COL22A1: variants seen among roughly 807,000 people sequenced by gnomAD.
The protein encoded by COL22A1 is collagen type XXII alpha 1 chain.
A neutral mutation model predicts 248.9 loss-of-function variants in COL22A1; 221 were observed. The ratio of observed to expected loss-of-function variants is 0.89; its 90% CI spans 0.80 to 0.99. The LOEUF (loss-of-function observed/expected upper bound fraction) is 0.99. Ranked by LOEUF, COL22A1 falls within the 50% of genes least tolerant of loss-of-function variation. The pLI, the probability that COL22A1 is intolerant of heterozygous loss-of-function variation, is 0.00. For missense variants in COL22A1, 2,240 were observed against 2,179.0 expected, an observed-to-expected ratio of 1.03 and a Z score of -0.56; for synonymous variants, 891 against 793.4, an observed-to-expected ratio of 1.12 and a Z score of -2.07.
Position 138,781,293 on chromosome 8 carries a change from G to A in COL22A1, c.1597-313C>T, listed in dbSNP as rs76441822. Among the ~76,000 whole-genome samples the A allele has an allele frequency of 7.0e-3, 1,071 of 152,254 alleles. 15 individuals carry two copies. The highest frequency in any genetic ancestry group is 0.025 in the African/African-American group (1,022 of 41,546). ...CTAGCTGGAGGTGCGGCCCTTCCTCGCCCTGGGCTTGGTCTCATATGTGTA... is the reference window on the plus strand; with the variant it reads ...CTAGCTGGAGGTGCGGCCCTTCCTCACCCTGGGCTTGGTCTCATATGTGTA... On this transcript the variant is annotated intron_variant, in intron 12 of 64. Transcript: ENST00000303045.
At chr8:138,740,641 C>T (rs535969502) in intron 22 of COL22A1, among the ~76,000 whole-genome samples, 54 of 152,104 alleles carry the variant, frequency 3.6e-4, no homozygotes, top group African/African-American at 1.1e-3. Context: ...AAGTAGGAGG[C>T]GCGTGGTAGA....
chr8:138,667,862 A>C (rs1824649951), intron 41 of COL22A1, among the ~76,000 whole-genome samples: 1 of 152,140 alleles, frequency 6.6e-6, no homozygotes, highest in African/African-American at 2.4e-5. Flanking sequence ...CCACCTGTGA[A>C]GTCTTGCCAA....
intron 51 of COL22A1, among the ~76,000 whole-genome samples, chr8:138,624,992 T>G (rs564841754): frequency 5.5e-4 from 84 of 152,340 alleles, no homozygotes; most frequent in African/African-American, 1.9e-3. Context: ...TATAACCCCA[T>G]GATTAATTAC....
intron 16 of COL22A1, among the ~76,000 whole-genome samples, chr8:138,765,565 C>T (rs961324950): frequency 3.3e-5 from 5 of 152,208 alleles, no homozygotes; most frequent in Admixed American, 1.3e-4. Flanking sequence ...GAGTTTGGAA[C>T]GCAGGCGCAC....
chr8:138,766,449 G>A (rs914586611), intron 16 of COL22A1, among the ~76,000 whole-genome samples: 2 of 132,512 alleles, frequency 1.5e-5, no homozygotes, highest in Non-Finnish European at 3.3e-5. Flanking sequence ...GAGTGGGGGT[G>A]GGGGAGAGAC....
chr8:138,863,483 T>C (rs1294450507), intron 3 of COL22A1, among the ~76,000 whole-genome samples: 2 of 152,108 alleles, frequency 1.3e-5, no homozygotes, highest in Non-Finnish European at 2.9e-5. Flanking sequence ...AGGGATGGTG[T>C]TGGGGGCCTA....
intron 31 of COL22A1, among the ~76,000 whole-genome samples, chr8:138,702,697 G>T (rs975833103): frequency 2.6e-5 from 4 of 151,928 alleles, no homozygotes; most frequent in Admixed American, 2.6e-4. Context: ...CAATTTTTAA[G>T]ATTTTTAATA....
intron 3 of COL22A1, among the ~76,000 whole-genome samples, chr8:138,861,891 T>C (rs1822488709): frequency 6.6e-6 from 1 of 151,980 alleles, no homozygotes; most frequent in Admixed American, 6.5e-5. Flanking sequence ...TATCCTTCAC[T>C]GTAAAGCTTA....
chr8:138,641,002 GC>G (rs1161035149), intron 47 of COL22A1, among the ~76,000 whole-genome samples: 1 of 152,206 alleles, frequency 6.6e-6, no homozygotes, highest in Non-Finnish European at 1.5e-5. Context: ...TTCGCTGCAA[GC>G]TTGTAGGTCT....
At chr8:138,860,275 G>T (rs1822351687) in intron 3 of COL22A1, among the ~76,000 whole-genome samples, 1 of 152,148 alleles carries the variant, frequency 6.6e-6, no homozygotes, top group East Asian at 1.9e-4. Context: ...TGTAAGAGGT[G>T]TCCACATGTG....
intron 47 of COL22A1, among the ~76,000 whole-genome samples, chr8:138,643,647 T>TAGACAGACAGAC (rs145689286): frequency 1.5e-4 from 4 of 26,624 alleles, no homozygotes; most frequent in African/African-American, 2.4e-4. Context: ...GATAGATAGA[T>TAGACAGACAGAC]AGACAGATAG....
chr8:138,645,841 C>T (rs1463069506), intron 47 of COL22A1, among the ~76,000 whole-genome samples: 7 of 152,194 alleles, frequency 4.6e-5, no homozygotes, highest in Admixed American at 4.6e-4. Context: ...ACACATTTGG[C>T]CCTGAGTGTT....
chr8:138,878,410 C>T (rs1823918806), intron 2 of COL22A1, 94 bp from the exon 3 acceptor site: 1 of 1,054,816 alleles, frequency 9.5e-7, no homozygotes, highest in Non-Finnish European at 1.3e-6. Context: ...CACACACCTG[C>T]TCAAATACCT....
rs189047718 is a variant in COL22A1 at position 138,772,155 on chromosome 8, C to T, written c.1803+3811G>A. Among the ~76,000 whole-genome samples, 7 of 152,296 alleles carry T rather than the reference C, an allele frequency of 4.6e-5. No homozygotes were observed. In the East Asian group the frequency reaches 7.7e-4, roughly 17 times the overall value. ...CCATTCCACACCTGTGAGGGAAGGC[C>T]GTCTGCACGCTGAGTTCGATCTTGG... On this transcript the variant is annotated intron_variant, in intron 16 of 64. Coordinates refer to ENST00000303045, the MANE Select transcript of COL22A1 (RefSeq NM_152888.3).
chr8:138,744,511 T>C (rs1261762542), intron 22 of COL22A1, among the ~76,000 whole-genome samples: 2 of 149,322 alleles, frequency 1.3e-5, no homozygotes, highest in Non-Finnish European at 2.9e-5. Flanking sequence ...ACACTCATAC[T>C]CACAATATTG....
At chr8:138,877,278 A>G (rs1823791872) in intron 3 of COL22A1, among the ~76,000 whole-genome samples, 1 of 152,168 alleles carries the variant, frequency 6.6e-6, no homozygotes, top group Non-Finnish European at 1.5e-5. Flanking sequence ...GGGAGCCTGA[A>G]TGCTTCTTGC....
At chr8:138,855,875 C>T (rs781454827) in intron 3 of COL22A1, among the ~76,000 whole-genome samples, 7 of 152,214 alleles carry the variant, frequency 4.6e-5, no homozygotes, top group South Asian at 2.1e-4. Context: ...CCACTGTCAA[C>T]GGTGTAGGAC....
chr8:138,817,782 C>T (rs1818792952), intron 7 of COL22A1, among the ~76,000 whole-genome samples: 1 of 152,138 alleles, frequency 6.6e-6, no homozygotes, highest in Non-Finnish European at 1.5e-5. Flanking sequence ...GGCGGTATTC[C>T]AGGAAGTTTT....
chr8:138,614,053 A>G (rs1377240739), intron 55 of COL22A1, 133 bp from the exon 56 acceptor site: 2 of 733,408 alleles, frequency 2.7e-6, no homozygotes, highest in Non-Finnish European at 4.8e-6. Flanking sequence ...ATGTTTCATC[A>G]TTAATTGTCC....
Sources: allele counts gnomAD v4.1 joint callset (sites outside exome capture counted in the v4.1 genomes callset), GRCh38; gene constraint gnomAD v4.1.1; transcripts MANE v1.5; gene names NCBI Gene and HGNC (gene_info 2026-07-23, HGNC 2026-07-21).